Variants in ZNF680 observed in about 807,000 individuals in gnomAD.
The protein encoded by ZNF680 is zinc finger protein 680.
A neutral mutation model predicts 12.1 loss-of-function variants in ZNF680; 6 were observed. That is an observed-to-expected ratio of 0.49 (90% CI 0.27 to 0.98). ZNF680 has a LOEUF of 0.98. Among genes scored for constraint, ZNF680 ranks in the 50% least tolerant of loss-of-function variants. ZNF680 has a pLI of 0.12. For missense variants in ZNF680, 561 were observed against 616.3 expected, an observed-to-expected ratio of 0.91 and a Z score of 0.95; for synonymous variants, 170 against 199.3, an observed-to-expected ratio of 0.85 and a Z score of 1.24.
At chr7:64,506,390 G>T in the ZNF680 span, among the ~76,000 whole-genome samples, 2 of 151,956 alleles carry the variant, frequency 1.3e-5, no homozygotes, top group African/African-American at 4.8e-5. Context: ...GGGTTTCACC[G>T]TGTTAGCCAG....
rs776271056 is a variant in ZNF680, at chr7:64,535,854, G to T, written c.253+7853C>A. 1.2e-4 allele frequency among the ~76,000 whole-genome samples: 19 copies of T among 152,218 alleles called. No homozygotes were observed. In the Middle Eastern group the frequency reaches 0.01, roughly 82 times the overall value. ...AGCTACTCGAGAGGCTGAGGCAAGAGAATTGCTTGAACTCGGGAGGCAGAG... is the reference window on the plus strand; with the variant it reads ...AGCTACTCGAGAGGCTGAGGCAAGATAATTGCTTGAACTCGGGAGGCAGAG... On this transcript the variant is annotated intron_variant, in intron 3 of 3. Transcript: ENST00000309683.
chr7:64,542,704 G>A (rs1786568469), intron 3 of ZNF680, among the ~76,000 whole-genome samples: 1 of 151,984 alleles, frequency 6.6e-6, no homozygotes, highest in African/African-American at 2.4e-5. Context: ...TAGAGAAGAG[G>A]CAAATAATTA....
rs775317293 is a variant in ZNF680, at chr7:64,522,394, T to C, written c.360A>G (p.Leu120=). The change falls in exon 4 of 4, where the codon TTA becomes TTG. Residue 120 remains leucine (L), a synonymous_variant. Transcript: ENST00000309683. The stretch of plus-strand genomic sequence containing the variant: ...CACTTTTACAACTTATTCTTAATTG[T>C]AAATTCTCATGTCCACATTTTCCAT... ...RGYGKCGHEN[L]QLRISCKSVD... The C allele has an allele frequency of 1.9e-6, 3 of 1,612,014 alleles. No individual in the cohort carries two copies. The highest frequency in any genetic ancestry group is 1.1e-5 in the South Asian group (1 of 90,596).
intron 1 of ZNF680, among the ~76,000 whole-genome samples, chr7:64,557,570 CA>C (rs71055243): frequency 0.76 from 114,914 of 150,826 alleles, 44,601 homozygotes; most frequent in African/African-American, 0.93. Context: ...AACAAAAAAA[CA>C]AAAAAAAACA....
the ZNF680 span, among the ~76,000 whole-genome samples, chr7:64,503,217 TATA>T: frequency 5.0e-3 from 764 of 152,276 alleles, 7 homozygotes; most frequent in African/African-American, 0.017. Flanking sequence ...AATAATGAAC[TATA>T]ATGTGTTGCC....
intron 1 of ZNF680, among the ~76,000 whole-genome samples, chr7:64,553,953 C>T (rs1421199327): frequency 1.3e-5 from 2 of 152,142 alleles, no homozygotes; most frequent in African/African-American, 2.4e-5. Flanking sequence ...ACCTCCCAGC[C>T]GCCTGCCTTG....
At chr7:64,546,499 C>T (rs753679202) in intron 1 of ZNF680, among the ~76,000 whole-genome samples, 4 of 152,198 alleles carry the variant, frequency 2.6e-5, no homozygotes, top group East Asian at 1.9e-4. Flanking sequence ...CCTAGCATAC[C>T]GGGAGGCCGA....
chr7:64,526,437 C>A (rs1351426002), intron 3 of ZNF680: 3 of 1,492,632 alleles, frequency 2.0e-6, no homozygotes, highest in African/African-American at 1.4e-5. Context: ...TTTCTGTAAT[C>A]CCACATCTTT....
At chr7:64,557,609 C>T (rs1289311124) in intron 1 of ZNF680, among the ~76,000 whole-genome samples, 1 of 151,938 alleles carries the variant, frequency 6.6e-6, no homozygotes, top group Non-Finnish European at 1.5e-5. Context: ...CCAAAAAGGC[C>T]GGGTGCAATG....
the ZNF680 span, among the ~76,000 whole-genome samples, chr7:64,499,539 C>T: frequency 6.6e-5 from 10 of 152,272 alleles, no homozygotes; most frequent in African/African-American, 2.4e-4. Context: ...GGGCAGATCA[C>T]GAGGTCAGGA....
intron 1 of ZNF680, among the ~76,000 whole-genome samples, chr7:64,548,699 A>T (rs1457811283): frequency 6.6e-6 from 1 of 152,118 alleles, no homozygotes; most frequent in Non-Finnish European, 1.5e-5. Context: ...TGTCAGCCTG[A>T]CACAGTTCTG....
intron 3 of ZNF680, among the ~76,000 whole-genome samples, chr7:64,524,199 G>A (rs1445504031): frequency 3.4e-5 from 5 of 148,996 alleles, no homozygotes; most frequent in Admixed American, 3.4e-4. Context: ...CTAGGCTGGA[G>A]TGCAATGGTG....
At position 64,562,958 on chromosome 7, in the gene ZNF680, A is replaced by G; in HGVS notation, c.-4T>C. Reference sequence around the variant, plus strand: ...GGCTTCCAGGTGGTCCTGGCATCTTAGCTGTGCATCTCCCAATACCTGCAG... The same window carrying G: ...GGCTTCCAGGTGGTCCTGGCATCTTGGCTGTGCATCTCCCAATACCTGCAG... On this transcript the variant is annotated 5_prime_UTR_variant, in exon 1 of 4. It removes the in-frame stop codon of an upstream open reading frame in the 5' UTR. Transcript: ENST00000309683. The G allele has an allele frequency of 6.2e-7, 1 of 1,613,570 alleles. No individual in the cohort carries two copies. The highest frequency in any genetic ancestry group is 1.1e-5 in the South Asian group (1 of 91,072).
chr7:64,556,771 C>T (rs895174399), intron 1 of ZNF680, among the ~76,000 whole-genome samples: 1 of 152,020 alleles, frequency 6.6e-6, no homozygotes, highest in African/African-American at 2.4e-5. Context: ...ATGAAGATGC[C>T]AAAAGCAATT....
rs368544325 is a variant in ZNF680 at position 64,523,594 on chromosome 7, T to C, written c.254-1094A>G. Among the ~76,000 whole-genome samples the C allele has an allele frequency of 2.4e-3, 360 of 152,226 alleles. 2 individuals carry two copies. Among genetic ancestry groups the C allele is most frequent in the Non-Finnish European group, 4.2e-3 (286 of 68,014 alleles). Reference sequence around the variant, plus strand: ...TAAAATTAACTTTCCAATCAAGAGATATACTTTCATTAAAGGGATTTATTA... The same window carrying C: ...TAAAATTAACTTTCCAATCAAGAGACATACTTTCATTAAAGGGATTTATTA... On this transcript the variant is annotated intron_variant, in intron 3 of 3. Coordinates refer to ENST00000309683, the MANE Select transcript of ZNF680 (RefSeq NM_178558.5).
At chr7:64,560,484 A>G (rs977830145) in intron 1 of ZNF680, among the ~76,000 whole-genome samples, 3 of 152,210 alleles carry the variant, frequency 2.0e-5, no homozygotes, top group Non-Finnish European at 4.4e-5. Context: ...GATAGCTAGC[A>G]TTCTAAAAGT....
the ZNF680 span, among the ~76,000 whole-genome samples, chr7:64,504,463 TG>T: frequency 3.8e-4 from 58 of 152,230 alleles, no homozygotes; most frequent in Admixed American, 1.3e-4. Context: ...TTATGGAATT[TG>T]GTTTACGTTT....
chr7:64,539,997 TA>T (rs1437516733), intron 3 of ZNF680, among the ~76,000 whole-genome samples: 1 of 152,170 alleles, frequency 6.6e-6, no homozygotes, highest in Non-Finnish European at 1.5e-5. Flanking sequence ...TTTTATGTTA[TA>T]TTTTCACAAT....
At position 64,521,346 on chromosome 7, in the gene ZNF680, C is replaced by G; in HGVS notation, c.1408G>C (p.Val470Leu). 6.2e-7 allele frequency: 1 copy of G among 1,613,446 alleles called. No individual in the cohort carries two copies. Among genetic ancestry groups the G allele is most frequent in the Non-Finnish European group, 8.5e-7 (1 of 1,179,636 alleles). ...KSYKCDECGN[V>L]FNWPATLANH... The stretch of plus-strand genomic sequence containing the variant: ...GCAAGAGTTGCAGGCCAGTTAAAAA[C>G]ATTGCCACATTCATCACATTTGTAG... The change falls in exon 4 of 4, where the codon GTT becomes CTT. Residue 470 changes from valine to leucine, a missense_variant. Val to Leu is a conservative substitution (Grantham distance 32, BLOSUM62 1). Transcript: ENST00000309683.
Sources: gnomAD v4.1 joint callset for allele counts (sites outside exome capture counted in the v4.1 genomes callset) on GRCh38, gnomAD v4.1.1 for gene constraint, MANE v1.5 for transcripts, NCBI Gene and HGNC (gene_info 2026-07-23, HGNC 2026-07-21) for gene names.